Variants in ADGRV1 observed in about 807,000 individuals in gnomAD.
The protein encoded by ADGRV1 is G-protein coupled receptor 98.
Under a neutral mutation model 596.2 loss-of-function variants are expected in ADGRV1, and 359 were observed. The observed-to-expected ratio is 0.60, with a 90% CI of 0.55 to 0.66. ADGRV1 has a LOEUF of 0.66. Among genes scored for constraint, ADGRV1 ranks in the 30% least tolerant of loss-of-function variants. The pLI is 0.00. For synonymous variants in ADGRV1, 2,681 were observed against 2,679.2 expected, an observed-to-expected ratio of 1.00 and a Z score of -0.02; for missense variants, 7,274 against 7,575.6, an observed-to-expected ratio of 0.96 and a Z score of 1.48.
At chr5:90,559,800 G>T (rs1227076337) in intron 1 of ADGRV1, among the ~76,000 whole-genome samples, 1 of 152,102 alleles carries the variant, frequency 6.6e-6, no homozygotes, top group Admixed American at 6.6e-5. Flanking sequence ...TCTTACTGAA[G>T]TTATGATTAC....
Position 91,126,265 on chromosome 5 carries a change from T to C in ADGRV1, c.18433-23765T>C, listed in dbSNP as rs575601347. Among the ~76,000 whole-genome samples, 3 of 152,344 alleles carry C rather than the reference T, an allele frequency of 2.0e-5. No homozygotes were observed. In the South Asian group the frequency reaches 6.2e-4, roughly 32 times the overall value. On this transcript the variant is annotated intron_variant, in intron 87 of 89. Transcript: ENST00000405460. ...TCCCCTTCCACAAATTCTCTCAATGTAGGGAAATCTCTTTAGATGACTAAC... is the reference window on the plus strand; with the variant it reads ...TCCCCTTCCACAAATTCTCTCAATGCAGGGAAATCTCTTTAGATGACTAAC...
intron 85 of ADGRV1, among the ~76,000 whole-genome samples, chr5:90,995,030 T>C (rs532504063): frequency 6.6e-6 from 1 of 152,312 alleles, no homozygotes; most frequent in East Asian, 1.9e-4. Flanking sequence ...TTCCTGAACA[T>C]GAGCAAAGCC....
In ADGRV1 at chr5:90,867,190, C is replaced by T. The variant is rs1768207507; in HGVS notation, c.17856+3333C>T. Among the ~76,000 whole-genome samples the T allele has an allele frequency of 2.0e-5, 3 of 152,062 alleles. No individual in the cohort carries two copies. In the South Asian group the frequency reaches 6.2e-4, roughly 32 times the overall value. ...CAATCCTCCAAATCTAAAAAAAGAA[C>T]AGAAGTTTCCTCATAGAAAACATGA... On this transcript the variant is annotated intron_variant, in intron 83 of 89. Coordinates refer to ENST00000405460, the MANE Select transcript of ADGRV1 (RefSeq NM_032119.4).
chr5:90,627,925 C>CACACAT, intron 7 of ADGRV1, 149 bp downstream of exon 7: 2 of 370,160 alleles, frequency 5.4e-6, no homozygotes, highest in Non-Finnish European at 9.6e-6. Context: ...AAGACACACA[C>CACACAT]ACACACACAC....
intron 82 of ADGRV1, among the ~76,000 whole-genome samples, chr5:90,856,396 A>G (rs1180704530): frequency 6.6e-6 from 1 of 152,206 alleles, no homozygotes; most frequent in Non-Finnish European, 1.5e-5. Flanking sequence ...AAAATAAATC[A>G]TCTTTCACAT....
At chr5:90,937,877 A>C (rs1380583012) in intron 83 of ADGRV1, among the ~76,000 whole-genome samples, 4 of 152,082 alleles carry the variant, frequency 2.6e-5, no homozygotes, top group Non-Finnish European at 5.9e-5. Flanking sequence ...TGTCTTTATT[A>C]ATTTCTGGTC....
At chr5:91,020,109 C>T (rs1426115237) in intron 85 of ADGRV1, among the ~76,000 whole-genome samples, 1 of 152,012 alleles carries the variant, frequency 6.6e-6, no homozygotes, top group Non-Finnish European at 1.5e-5. Context: ...ATGATTTCTT[C>T]CCCATGGATG....
At chr5:90,842,146 G>A (rs1373474146) in intron 78 of ADGRV1, among the ~76,000 whole-genome samples, 3 of 152,128 alleles carry the variant, frequency 2.0e-5, no homozygotes, top group African/African-American at 7.2e-5. Context: ...TGGAAATTCT[G>A]CTACTTTTTG....
intron 83 of ADGRV1, among the ~76,000 whole-genome samples, chr5:90,939,617 A>C (rs1334010132): frequency 6.6e-6 from 1 of 152,204 alleles, no homozygotes; most frequent in African/African-American, 2.4e-5. Context: ...ATGATAACTT[A>C]GGATAAAGAG....
chr5:91,044,493 C>G (rs2151286724), intron 85 of ADGRV1, among the ~76,000 whole-genome samples: 1 of 152,206 alleles, frequency 6.6e-6, no homozygotes, highest in Non-Finnish European at 1.5e-5. Flanking sequence ...AGAACTTTCT[C>G]ATTTTCAATT....
intron 1 of ADGRV1, among the ~76,000 whole-genome samples, chr5:90,581,472 T>G (rs1758049641): frequency 6.6e-6 from 1 of 152,236 alleles, no homozygotes. Flanking sequence ...ATGTAGATGC[T>G]ATTCCTTTCT....
chr5:90,755,258 T>A, intron 55 of ADGRV1, 73 bp downstream of exon 55: 1 of 969,418 alleles, frequency 1.0e-6, no homozygotes, highest in Non-Finnish European at 1.5e-6. Context: ...GATGCTCTTG[T>A]AAGTAAAAAT....
intron 78 of ADGRV1, 55 bp downstream of exon 78, chr5:90,841,040 A>G: frequency 7.5e-7 from 1 of 1,335,702 alleles, no homozygotes. Flanking sequence ...AAATTTAAAA[A>G]CCCAAGTAAA....
intron 83 of ADGRV1, among the ~76,000 whole-genome samples, chr5:90,963,968 G>C (rs1778242419): frequency 6.6e-6 from 1 of 151,716 alleles, no homozygotes; most frequent in Non-Finnish European, 1.5e-5. Context: ...TTATGTAATT[G>C]ACTGAGGAAT....
chr5:90,628,600 A>G lies in ADGRV1; in HGVS notation c.1277A>G (p.His426Arg). 1 of 1,613,948 alleles carries G rather than the reference A, an allele frequency of 6.2e-7. No individual in the cohort carries two copies. The highest frequency in any genetic ancestry group is 8.5e-7 in the Non-Finnish European group (1 of 1,179,794). ...EITVVRNGGT[H>R]GNVSANWVLT... is the part of the protein sequence containing the mutation. ...ACAGTGGTTAGAAATGGAGGAACCC[A>G]TGGGAATGTCTCTGCGAATTGGGTG... Residue 426 changes from histidine (H) to arginine (R), a missense_variant, in exon 8 of 90, where the codon CAT (histidine) becomes CGT (arginine). This residue lies in a region of ADGRV1 where 1,715 missense variants were observed against 1,708.8 expected (regional missense o/e 1.00). Coordinates refer to ENST00000405460, the MANE Select transcript of ADGRV1 (RefSeq NM_032119.4).
At chr5:90,593,856 G>T (rs907049304) in intron 1 of ADGRV1, among the ~76,000 whole-genome samples, 1 of 151,922 alleles carries the variant, frequency 6.6e-6, no homozygotes, top group Non-Finnish European at 1.5e-5. Context: ...TGTATTCCAA[G>T]CATGCTAAGA....
At chr5:91,078,249 A>G (rs948801175) in intron 86 of ADGRV1, among the ~76,000 whole-genome samples, 2 of 152,142 alleles carry the variant, frequency 1.3e-5, no homozygotes, top group Admixed American at 1.3e-4. Flanking sequence ...AATATTGTAA[A>G]TGCTCATCCC....
At chr5:90,638,887 CTG>C (rs1766601039) in intron 11 of ADGRV1, among the ~76,000 whole-genome samples, 1 of 152,030 alleles carries the variant, frequency 6.6e-6, no homozygotes, top group African/African-American at 2.4e-5. Flanking sequence ...TGATGGGTAA[CTG>C]ATTTTTATTT....
At chr5:91,110,967 A>G (rs1792313461) in intron 87 of ADGRV1, among the ~76,000 whole-genome samples, 2 of 152,150 alleles carry the variant, frequency 1.3e-5, no homozygotes, top group Admixed American at 6.5e-5. Flanking sequence ...TCCCTATTTC[A>G]GAGAGGGGAG....
Sources: gnomAD v4.1 joint callset for allele counts (sites outside exome capture counted in the v4.1 genomes callset) on GRCh38, gnomAD v4.1.1 for gene constraint, gnomAD v4.1.1 regional missense constraint, MANE v1.5 for transcripts, NCBI Gene and HGNC (gene_info 2026-07-23, HGNC 2026-07-21) for gene names.